The following TACC2 variants were observed in gnomAD, a reference collection of about 807,000 sequenced individuals.
TACC2 encodes the protein transforming acidic coiled-coil containing protein 2, also known as transforming acidic coiled-coil-containing protein 2.
A neutral mutation model predicts 227.3 loss-of-function variants in TACC2; 137 were observed. The observed-to-expected ratio is 0.60, with a 90% CI of 0.52 to 0.69. The LOEUF is 0.69. Ranked by LOEUF, TACC2 falls within the 30% of genes least tolerant of loss-of-function variation. The pLI, the probability that TACC2 is intolerant of heterozygous loss-of-function variation, is 0.00. For missense variants in TACC2, 3,470 were observed against 3,694.4 expected (o/e 0.94, Z 1.57); for synonymous variants, 1,523 against 1,487.5 (o/e 1.02, Z -0.55).
intron 7 of TACC2, among the ~76,000 whole-genome samples, chr10:122,166,909 G>C (rs2093198993): frequency 6.6e-6 from 1 of 152,234 alleles, no homozygotes; most frequent in Non-Finnish European, 1.5e-5. Flanking sequence ...GGAGACACAG[G>C]AATGGACAGG....
Position 122,085,297 on chromosome 10 carries a change from T to A in TACC2, c.2797T>A (p.Leu933Met). 6.2e-7 allele frequency: 1 copy of A among 1,613,968 alleles called. No homozygotes were observed. Among genetic ancestry groups the A allele is most frequent in the Non-Finnish European group, 8.5e-7 (1 of 1,180,018 alleles). Residue 933 changes from leucine to methionine, a missense_variant, in exon 4 of 23, where the codon TTG becomes ATG. Physicochemically the swap from Leu to Met is conservative, Grantham distance 15. Transcript: ENST00000369005. ...GAGTTCTCTGACAGAAGAGTCAGAA[T>A]TGTCAGCACCAACGAGACAGAAGTT... ...WESSLTEESE[L>M]SAPTRQKLPA...
intron 8 of TACC2, among the ~76,000 whole-genome samples, chr10:122,208,154 G>A (rs2095186840): frequency 6.6e-6 from 1 of 152,174 alleles, no homozygotes; most frequent in Admixed American, 6.5e-5. Flanking sequence ...AAAGAGCTCC[G>A]TATTTAGGGC....
Position 122,180,092 on chromosome 10 carries a change from A to G in TACC2, c.5835-14948A>G. On this transcript the variant is annotated intron_variant, in intron 7 of 22. Coordinates refer to ENST00000369005, the MANE Select transcript of TACC2 (RefSeq NM_206862.4). This position sits in a 1 kb window ranked among gnomAD's most constrained non-coding sequence, Gnocchi z 4.5. ...AGAGTGAGACGGTGTCTCCAAAAAA[A>G]CAGGCGAGTCCTTTCCCCGTGTAAC... Among the ~76,000 whole-genome samples, 1 of 151,364 alleles carries G rather than the reference A, an allele frequency of 6.6e-6. No individual in the cohort carries two copies. Among genetic ancestry groups the G allele is most frequent in the Non-Finnish European group, 1.5e-5 (1 of 67,914 alleles).
Position 122,211,256 on chromosome 10 carries a change from C to T in TACC2, c.6831C>T (p.Asp2277=), listed in dbSNP as rs1388343217. 2.5e-6 allele frequency: 4 copies of T among 1,613,962 alleles called. No individual in the cohort carries two copies. Among genetic ancestry groups the T allele is most frequent in the Non-Finnish European group, 3.4e-6 (4 of 1,180,024 alleles). ...ATTCTGAGGACAAGAGTAGTTGGGA[C>T]AACCAGCAGGAAAACCCCCCTCCTA... ...FDYSEDKSSW[D]NQQENPPPTK... The change falls in exon 9 of 23, where the codon GAC becomes GAT. Residue 2277 remains aspartate, a synonymous_variant. Transcript: ENST00000369005.
chr10:122,097,269 C>T (rs1326681592), intron 5 of TACC2, among the ~76,000 whole-genome samples: 1 of 152,104 alleles, frequency 6.6e-6, no homozygotes, highest in East Asian at 1.9e-4. Context: ...GTCGAGGCTG[C>T]AGTGAGCCAA....
At position 122,085,847 on chromosome 10, in the gene TACC2, G is replaced by C. The variant is rs745958023; in HGVS notation, c.3347G>C (p.Ser1116Thr). ...SDAESPKLLA[S>T]FPSAGEQGGE... is the part of the protein sequence containing the mutation. ...GCAGAGTCCCCAAAGCTTCTTGCAA[G>C]TTTCCCATCAGCTGGGGAGCAAGGT... The change falls in exon 4 of 23, where the codon AGT becomes ACT. Residue 1116 changes from serine to threonine, a missense_variant. Ser to Thr is a moderately conservative substitution (Grantham distance 58). Around this residue, in one of 10 missense-constraint regions of TACC2, gnomAD observed 1,924 missense variants for 1,978.3 expected, o/e 0.97. Coordinates refer to ENST00000369005, the MANE Select transcript of TACC2 (RefSeq NM_206862.4). 4 of 1,612,954 alleles carry C rather than the reference G, an allele frequency of 2.5e-6. No homozygotes were observed. In the African/African-American group the frequency reaches 5.3e-5, roughly 22 times the overall value.
At chr10:122,101,551 CTTTTTTTTTTTTT>C (rs34331470) in intron 5 of TACC2, among the ~76,000 whole-genome samples, 2 of 47,138 alleles carry the variant, frequency 4.2e-5, no homozygotes, top group Admixed American at 3.5e-4. Flanking sequence ...AAAACCCCAT[CTTTTTTTTTTTTT>C]TTTTTTTTTT....
intron 7 of TACC2, among the ~76,000 whole-genome samples, chr10:122,187,755 G>A (rs765555974): frequency 6.6e-6 from 1 of 152,130 alleles, no homozygotes; most frequent in African/African-American, 2.4e-5. Flanking sequence ...GGCTTCCAAA[G>A]TGCTGGGATT....
intron 12 of TACC2, among the ~76,000 whole-genome samples, chr10:122,225,109 ATTAGCTG>A (rs2095600866): frequency 2.0e-5 from 3 of 150,710 alleles, no homozygotes; most frequent in Non-Finnish European, 4.4e-5. Flanking sequence ...CAGGTATACG[ATTAGCTG>A]TTTTTGAGAA....
At chr10:122,112,017 T>C (rs1397757725) in intron 5 of TACC2, among the ~76,000 whole-genome samples, 1 of 152,144 alleles carries the variant, frequency 6.6e-6, no homozygotes, top group African/African-American at 2.4e-5. Flanking sequence ...AGTAACAGTC[T>C]ATTTCTTTAT....
chr10:122,121,736 C>T (rs2085847522), intron 5 of TACC2, among the ~76,000 whole-genome samples: 2 of 152,156 alleles, frequency 1.3e-5, no homozygotes, highest in South Asian at 4.1e-4. Flanking sequence ...TTCATTCATT[C>T]CAGTAAATGC....
rs1213489310 is a variant in TACC2 at position 122,210,692 on chromosome 10, G to A, written c.6267G>A (p.Leu2089=). 3.0e-5 allele frequency: 48 copies of A among 1,613,968 alleles called. No individual in the cohort carries two copies. Among genetic ancestry groups the A allele is most frequent in the Non-Finnish European group, 3.7e-5 (44 of 1,180,044 alleles). ...SKSTLSRSLS[L]QASDFDGASS... is the part of the protein sequence containing the mutation. The stretch of plus-strand genomic sequence containing the variant: ...CTACACTGTCCCGGTCGCTCAGCCT[G>A]CAAGCCAGTGACTTTGATGGTGCTT... Residue 2089 remains leucine (L), a synonymous_variant, in exon 9 of 23, where the codon CTG becomes CTA. Transcript: ENST00000369005. The surrounding 1 kb of genome is among the most constrained non-coding windows in gnomAD (Gnocchi z 4.6).
intron 3 of TACC2, among the ~76,000 whole-genome samples, chr10:122,068,852 AGTT>A (rs1285672849): frequency 1.8e-4 from 15 of 83,416 alleles, no homozygotes; most frequent in Admixed American, 1.1e-3. Flanking sequence ...GTGACCTAGA[AGTT>A]TTTTTTTTTT....
intron 7 of TACC2, among the ~76,000 whole-genome samples, chr10:122,168,683 T>C (rs534973823): frequency 6.6e-6 from 1 of 152,208 alleles, no homozygotes; most frequent in Non-Finnish European, 1.5e-5. Context: ...ACTTGGATAC[T>C]GATTGAGTGT....
intron 5 of TACC2, among the ~76,000 whole-genome samples, chr10:122,096,020 A>G (rs2081344440): frequency 6.6e-6 from 1 of 152,124 alleles, no homozygotes; most frequent in African/African-American, 2.4e-5. Context: ...GGGTGTGGTG[A>G]GGCTCTGTGT....
At chr10:122,038,083 C>A (rs551496285) in intron 2 of TACC2, among the ~76,000 whole-genome samples, 1 of 152,222 alleles carries the variant, frequency 6.6e-6, no homozygotes, top group South Asian at 2.1e-4. Flanking sequence ...CATGGCGAGA[C>A]CCCTGTCTCT....
intron 7 of TACC2, among the ~76,000 whole-genome samples, chr10:122,184,824 T>G (rs559319876): frequency 1.3e-5 from 2 of 152,264 alleles, no homozygotes; most frequent in African/African-American, 2.4e-5. Flanking sequence ...ACTTATCACC[T>G]AACTGGGAGT....
At chr10:122,189,890 T>C (rs1463523934) in intron 7 of TACC2, among the ~76,000 whole-genome samples, 1 of 152,248 alleles carries the variant, frequency 6.6e-6, no homozygotes, top group Non-Finnish European at 1.5e-5. Flanking sequence ...CGAGCCACTT[T>C]AGCTCTCTGG....
chr10:122,239,625 G>T (rs1266783434), intron 18 of TACC2, among the ~76,000 whole-genome samples: 1 of 152,172 alleles, frequency 6.6e-6, no homozygotes, highest in Admixed American at 6.5e-5. Flanking sequence ...ACCCAGGAAG[G>T]CTGTAAGTTC....
Sources: gnomAD v4.1 joint callset for allele counts (sites outside exome capture counted in the v4.1 genomes callset) on GRCh38, gnomAD v4.1.1 for gene constraint, gnomAD v4.1.1 regional missense constraint, Gnocchi (gnomAD v3.1) non-coding constraint, MANE v1.5 for transcripts, NCBI Gene and HGNC (gene_info 2026-07-23, HGNC 2026-07-21) for gene names.